RDH11: variants seen among roughly 807,000 people sequenced by gnomAD.
RDH11 encodes the protein retinol dehydrogenase 11.
A neutral mutation model predicts 33.4 loss-of-function variants in RDH11; 19 were observed. The observed-to-expected ratio is 0.57, with a 90% confidence interval of 0.40 to 0.83. The LOEUF (loss-of-function observed/expected upper bound fraction) is 0.83. RDH11 is among the 40% of genes least tolerant of loss of function. The probability of loss-of-function intolerance (pLI) is 0.00; values close to 1 mark genes in which losing one functional copy is unlikely to be tolerated. For synonymous variants in RDH11, 154 were observed against 155.3 expected (o/e 0.99, Z 0.06); for missense variants, 353 against 389.0 (o/e 0.91, Z 0.78).
At chr14:67,693,334 TG>T (rs1056133725) in intron 1 of RDH11, among the ~76,000 whole-genome samples, 1 of 152,212 alleles carries the variant, frequency 6.6e-6, no homozygotes, top group Admixed American at 6.5e-5. Flanking sequence ...CACCTGGCTT[TG>T]GTTTGAGCTC....
At chr14:67,684,876 C>T in intron 6 of RDH11, 139 bp downstream of exon 6, 1 of 577,278 alleles carries the variant, frequency 1.7e-6, no homozygotes, top group Non-Finnish European at 2.9e-6. Context: ...AATTCCCCTA[C>T]TAAAAGGTAA....
rs760464790 is a variant in RDH11 at position 67,695,731 on chromosome 14, G to C, written c.-28C>G. Reference sequence around the variant, plus strand: ...CTGCCGGCTGCAGCGGCACCAGAGCGGGATGCTCCAGCGTTGCTCGCCGAC... The same window carrying C: ...CTGCCGGCTGCAGCGGCACCAGAGCCGGATGCTCCAGCGTTGCTCGCCGAC... On this transcript the variant is annotated 5_prime_UTR_variant, in exon 1 of 7. Transcript: ENST00000381346. The C allele has an allele frequency of 2.5e-6, 4 of 1,610,084 alleles. No homozygotes were observed. Among genetic ancestry groups the C allele is most frequent in the East Asian group, 2.2e-5 (1 of 44,874 alleles).
intron 5 of RDH11, among the ~76,000 whole-genome samples, chr14:67,688,053 G>A (rs1490118085): frequency 6.6e-6 from 1 of 152,018 alleles, no homozygotes; most frequent in Non-Finnish European, 1.5e-5. Context: ...GATTACAGGT[G>A]TGAGCCACCG....
At chr14:67,686,085 T>C (rs967849910) in intron 5 of RDH11, 1 of 152,204 alleles carries the variant, frequency 6.6e-6, no homozygotes, top group Non-Finnish European at 1.5e-5. Context: ...GGTGCTCACA[T>C]TTTGTCCACA....
At chr14:67,681,853 A>C (rs1594847851) in intron 6 of RDH11, among the ~76,000 whole-genome samples, 1 of 152,226 alleles carries the variant, frequency 6.6e-6, no homozygotes, top group Non-Finnish European at 1.5e-5. Context: ...AGAAGAAAAC[A>C]TAGGGGTTGC....
intron 5 of RDH11, among the ~76,000 whole-genome samples, 191 bp from the exon 6 acceptor site, chr14:67,685,395 G>A (rs956750328): frequency 2.0e-5 from 3 of 152,184 alleles, no homozygotes; most frequent in Non-Finnish European, 4.4e-5. Context: ...AGAGTAGACA[G>A]TGCTAAGGAC....
intron 5 of RDH11, among the ~76,000 whole-genome samples, chr14:67,687,786 T>A (rs538331457): frequency 6.7e-6 from 1 of 150,326 alleles, no homozygotes; most frequent in South Asian, 2.1e-4. Context: ...TTTTTTTCAT[T>A]TTTTCAGACA....
intron 6 of RDH11, 157 bp downstream of exon 6, chr14:67,684,858 G>A: frequency 1.9e-6 from 1 of 518,658 alleles, no homozygotes; most frequent in Non-Finnish European, 3.4e-6. Context: ...TATTACAAAA[G>A]AGAGTCAAAT....
chr14:67,693,108 G>T, intron 1 of RDH11, 56 bp from the exon 2 acceptor site: 1 of 1,234,832 alleles, frequency 8.1e-7, no homozygotes, highest in Non-Finnish European at 1.2e-6. Context: ...TCAGCCAGTA[G>T]GTTCCTGCAA....
intron 4 of RDH11, 184 bp downstream of exon 4, chr14:67,690,956 G>T: frequency 3.4e-6 from 2 of 595,632 alleles, no homozygotes; most frequent in East Asian, 2.7e-5. Flanking sequence ...ATTAAAAAGC[G>T]GGCAGAACCT....
At chr14:67,686,237 TTG>T (rs2037676648) in intron 5 of RDH11, 1 of 152,214 alleles carries the variant, frequency 6.6e-6, no homozygotes, top group South Asian at 2.1e-4. Flanking sequence ...AAGTTCCCTT[TTG>T]TGACTCATTT....
intron 5 of RDH11, 31 bp downstream of exon 5, chr14:67,690,181 A>G (rs374505285): frequency 4.2e-5 from 66 of 1,590,178 alleles, no homozygotes; most frequent in Non-Finnish European, 5.3e-5. Context: ...TCTCTGACTC[A>G]TGTCTCCACA....
chr14:67,688,823 C>T (rs1165455553), intron 5 of RDH11, among the ~76,000 whole-genome samples: 1 of 152,142 alleles, frequency 6.6e-6, no homozygotes, highest in Non-Finnish European at 1.5e-5. Context: ...TGCTAATTGT[C>T]TTTCTCCCCC....
rs1431246041 is a variant in RDH11 at position 67,691,122 on chromosome 14, T to A, written c.454+18A>T. ...ATTTTGGGTCTCTCTAGCTTTGTGA[T>A]AAGGCCAGATTTCTTACCCAAGTGG... On this transcript the variant is annotated intron_variant, in intron 4 of 6. Transcript: ENST00000381346. The A allele has an allele frequency of 3.2e-6, 5 of 1,572,390 alleles. No homozygotes were observed. Among genetic ancestry groups the A allele is most frequent in the Non-Finnish European group, 4.4e-6 (5 of 1,141,954 alleles).
intron 1 of RDH11, among the ~76,000 whole-genome samples, chr14:67,694,785 A>C (rs902578416): frequency 2.6e-5 from 4 of 152,176 alleles, no homozygotes; most frequent in African/African-American, 9.7e-5. Context: ...GACTGTGGTA[A>C]GAAATGACTG....
chr14:67,681,077 C>A (rs1329361401), intron 6 of RDH11, among the ~76,000 whole-genome samples: 1 of 152,104 alleles, frequency 6.6e-6, no homozygotes, highest in East Asian at 1.9e-4. Flanking sequence ...AGAGAGAGGG[C>A]CTTTAAGGAG....
chr14:67,679,135 G>A (rs987789451), intron 6 of RDH11, among the ~76,000 whole-genome samples: 2 of 152,168 alleles, frequency 1.3e-5, no homozygotes, highest in Non-Finnish European at 2.9e-5. Context: ...TAACAAGATG[G>A]AAGGCATGAC....
chr14:67,692,817 G>A, intron 2 of RDH11, 117 bp downstream of exon 2: 1 of 894,294 alleles, frequency 1.1e-6, no homozygotes, highest in Non-Finnish European at 1.8e-6. Flanking sequence ...GCAAATCAGT[G>A]GAATCCTTAG....
chr14:67,692,554 C>G lies in RDH11; in HGVS notation c.233G>C (p.Gly78Ala). The change falls in exon 3 of 7, where the codon GGG (glycine) becomes GCG (alanine). Residue 78 changes from glycine to alanine, a missense_variant. Coordinates refer to ENST00000381346, the MANE Select transcript of RDH11 (RefSeq NM_016026.4). ...VYLACRDVEK[G>A]ELVAKEIQTT... ...CTGGATCTCTTTGGCCACCAATTCCCCCTTTTCCACATCCCGGCAAGCTAA... is the reference window on the plus strand; with the variant it reads ...CTGGATCTCTTTGGCCACCAATTCCGCCTTTTCCACATCCCGGCAAGCTAA... 1 of 1,608,322 alleles carries G rather than the reference C, an allele frequency of 6.2e-7. No individual in the cohort carries two copies. Among genetic ancestry groups the G allele is most frequent in the Non-Finnish European group, 8.5e-7 (1 of 1,177,806 alleles).
Sources: allele counts gnomAD v4.1 joint callset (sites outside exome capture counted in the v4.1 genomes callset), GRCh38; gene constraint gnomAD v4.1.1; transcripts MANE v1.5; gene names NCBI Gene and HGNC (gene_info 2026-07-23, HGNC 2026-07-21).